GPR141: variants seen among roughly 807,000 people sequenced by gnomAD.
GPR141 encodes G protein-coupled receptor 141.
In GPR141, 6 loss-of-function variants were observed where a neutral mutation model predicts 6.8. The observed-to-expected ratio is 0.88, with a 90% CI of 0.48 to 1.74. The LOEUF is 1.74. Ranked by LOEUF, GPR141 falls within the 40% of genes most tolerant of loss-of-function variation. GPR141 has a pLI of 0.01. For synonymous variants in GPR141, 140 were observed against 142.3 expected (o/e 0.98, Z 0.11); for missense variants, 372 against 372.9 (o/e 1.00, Z 0.02).
chr7:37,722,932 TTCCTTCCTTCC>T (rs1811413753), intron 2 of GPR141, among the ~76,000 whole-genome samples: 1 of 72,290 alleles, frequency 1.4e-5, no homozygotes, highest in South Asian at 4.5e-4. Context: ...CTTTCCTTCC[TTCCTTCCTTCC>T]TTCCTTCCTT....
chr7:37,722,426 T>TA (rs11323927), intron 2 of GPR141, among the ~76,000 whole-genome samples: 35,218 of 144,174 alleles, frequency 0.24, 4,523 homozygotes, highest in East Asian at 0.43. Context: ...TTCCCTCTCT[T>TA]AAAAAAAAAA....
chr7:37,722,670 C>A (rs569558731), intron 2 of GPR141, among the ~76,000 whole-genome samples: 12 of 146,180 alleles, frequency 8.2e-5, no homozygotes, highest in Admixed American at 2.7e-4. Context: ...TGCAGTGAGC[C>A]AACTTATGCC....
intron 2 of GPR141, among the ~76,000 whole-genome samples, chr7:37,700,092 G>C (rs922036377): frequency 1.3e-5 from 2 of 152,178 alleles, no homozygotes; most frequent in African/African-American, 4.8e-5. Flanking sequence ...TATTGTGGTA[G>C]AGCTGGTGCT....
Position 37,740,780 on chromosome 7 carries a change from A to T in GPR141, c.387A>T (p.Lys129Asn), listed in dbSNP as rs138253244. 3.2e-5 allele frequency: 52 copies of T among 1,614,098 alleles called. No individual in the cohort carries two copies. The African/African-American group carries it at 6.3e-4, about 19-fold the overall frequency. ...AAGACAAAGTGGAATTCTACAGAAA[A>T]CTGCATGCTGTGGCTGCCAGTGCTG... ...KCKDKVEFYR[K>N]LHAVAASAGM... The change falls in exon 3 of 3, where the codon AAA (lysine) becomes AAT (asparagine). Residue 129 changes from lysine to asparagine, a missense_variant. Transcript: ENST00000334425.
rs567534190 is a variant in GPR141, at chr7:37,739,643, T to C, written c.-14-737T>C. On this transcript the variant is annotated intron_variant, in intron 2 of 2. Transcript: ENST00000334425. ...ATGAATTAGAAAGGACTGAGAGTAA[T>C]TGTGGAGCGGATCTTTCAGGAGTCC... Among the ~76,000 whole-genome samples the C allele has an allele frequency of 4.7e-4, 71 of 152,198 alleles. 1 individual carries two copies. The highest frequency in any genetic ancestry group is 1.7e-3 in the African/African-American group (69 of 41,538).
chr7:37,735,898 C>G (rs561132528), intron 2 of GPR141, among the ~76,000 whole-genome samples: 1 of 152,182 alleles, frequency 6.6e-6, no homozygotes, highest in East Asian at 1.9e-4. Flanking sequence ...TATTTCATAT[C>G]TGGTATTAAG....
In GPR141 at chr7:37,741,746, C is replaced by T. The variant is rs1040745762; in HGVS notation, c.*435C>T. 6.6e-6 allele frequency among the ~76,000 whole-genome samples: 1 copy of T among 152,178 alleles called. No individual in the cohort carries two copies. The highest frequency in any genetic ancestry group is 1.5e-5 in the Non-Finnish European group (1 of 68,018). On this transcript the variant is annotated 3_prime_UTR_variant, in exon 3 of 3. Transcript: ENST00000334425. ...TCTGGCCACCACCCAGCTCCAAAGA[C>T]ACAAACTCTCCTTCGCTAACCAGGT...
At chr7:37,740,066 G>A (rs1384873667) in intron 2 of GPR141, among the ~76,000 whole-genome samples, 2 of 152,114 alleles carry the variant, frequency 1.3e-5, no homozygotes, top group African/African-American at 4.8e-5. Flanking sequence ...TAGTATCCAA[G>A]TACTAGCTCC....
At chr7:37,715,045 T>C (rs145953280) in intron 2 of GPR141, among the ~76,000 whole-genome samples, 1 of 152,360 alleles carries the variant, frequency 6.6e-6, no homozygotes, top group East Asian at 1.9e-4. Context: ...TTTAAAGTTT[T>C]TTATTTATTA....
At chr7:37,733,213 T>A (rs1233486754) in intron 2 of GPR141, among the ~76,000 whole-genome samples, 2 of 152,168 alleles carry the variant, frequency 1.3e-5, no homozygotes, top group Non-Finnish European at 2.9e-5. Context: ...CTACAGGTGC[T>A]TTTATTATCA....
At chr7:37,724,820 A>T (rs1469453271) in intron 2 of GPR141, among the ~76,000 whole-genome samples, 2 of 152,134 alleles carry the variant, frequency 1.3e-5, no homozygotes, top group Non-Finnish European at 2.9e-5. Flanking sequence ...GGTGTCCTTG[A>T]GGTGGGGCCT....
Position 37,741,313 on chromosome 7 carries a change from C to A in GPR141, c.*2C>A. The A allele has an allele frequency of 6.4e-7, 1 of 1,569,596 alleles. No homozygotes were observed. The highest frequency in any genetic ancestry group is 1.2e-5 in the South Asian group (1 of 84,578). ...TGGAATTGTGTTTTGTGCCGTTAGC[C>A]ACAAACTACAGTATTCATATTTGCT... On this transcript the variant is annotated 3_prime_UTR_variant, in exon 3 of 3. Coordinates refer to ENST00000334425, the MANE Select transcript of GPR141 (RefSeq NM_001381946.1).
intron 2 of GPR141, among the ~76,000 whole-genome samples, chr7:37,704,226 A>G (rs1284083560): frequency 1.3e-5 from 2 of 150,094 alleles, no homozygotes; most frequent in African/African-American, 5.0e-5. Flanking sequence ...CTTTCTCTGG[A>G]GTTGATTTTT....
At chr7:37,685,677 G>A (rs112254635) in intron 2 of GPR141, 94 bp downstream of exon 2, 13 of 151,274 alleles carry the variant, frequency 8.6e-5, no homozygotes, top group African/African-American at 3.2e-4. Context: ...TCAAACTCCT[G>A]GGCACAAGTG....
intron 2 of GPR141, among the ~76,000 whole-genome samples, chr7:37,720,648 G>A (rs1446475455): frequency 6.6e-6 from 1 of 151,786 alleles, no homozygotes; most frequent in Non-Finnish European, 1.5e-5. Flanking sequence ...GGCTGAGGCA[G>A]GAGAATGGCG....
chr7:37,741,042 T>G lies in GPR141; in HGVS notation c.649T>G (p.Ser217Ala), dbSNP rs1282276615. The change falls in exon 3 of 3, where the codon TCC becomes GCC. Residue 217 changes from serine (S) to alanine (A), a missense_variant. Transcript: ENST00000334425. ...MVQKLRHSLL[S>A]HQEFWAQLKN... ...GCAGAAGCTACGCCACTCTTTACTA[T>G]CCCACCAGGAGTTCTGGGCTCAGCT... 3.1e-6 allele frequency: 5 copies of G among 1,614,158 alleles called. No homozygotes were observed. The highest frequency in any genetic ancestry group is 4.2e-6 in the Non-Finnish European group (5 of 1,179,988).
intron 2 of GPR141, among the ~76,000 whole-genome samples, chr7:37,711,756 G>A (rs112366954): frequency 1.1e-4 from 17 of 152,296 alleles, no homozygotes; most frequent in African/African-American, 3.9e-4. Context: ...TTGTCCCTGA[G>A]TACTTCCTAC....
intron 2 of GPR141, among the ~76,000 whole-genome samples, chr7:37,718,248 T>C (rs1457391626): frequency 6.6e-6 from 1 of 152,080 alleles, no homozygotes; most frequent in African/African-American, 2.4e-5. Context: ...ATAAAGAAAT[T>C]AAACAGTTCC....
chr7:37,740,454 A>C lies in GPR141; in HGVS notation c.61A>C (p.Ile21Leu). Residue 21 changes from isoleucine (I) to leucine (L), a missense_variant, in exon 3 of 3, where the codon ATC becomes CTC. By Grantham distance (5) the Ile-to-Leu change is conservative (BLOSUM62 2). Transcript: ENST00000334425. ...SCDPIVTPHL[I>L]SLYFIVLIGG... Reference sequence around the variant, plus strand: ...CGATCCTATAGTGACACCCCACTTAATCAGCCTCTACTTCATAGTGCTTAT... The same window carrying C: ...CGATCCTATAGTGACACCCCACTTACTCAGCCTCTACTTCATAGTGCTTAT... 1 of 1,613,932 alleles carries C rather than the reference A, an allele frequency of 6.2e-7. No individual in the cohort carries two copies. Among genetic ancestry groups the C allele is most frequent in the South Asian group, 1.1e-5 (1 of 91,058 alleles).
Sources: allele counts gnomAD v4.1 joint callset (sites outside exome capture counted in the v4.1 genomes callset), GRCh38; gene constraint gnomAD v4.1.1; transcripts MANE v1.5; gene names NCBI Gene and HGNC (gene_info 2026-07-23, HGNC 2026-07-21).